ARHGAP10: variants seen among roughly 807,000 people sequenced by gnomAD.
ARHGAP10 encodes the protein rho GTPase-activating protein 10.
In ARHGAP10, 87 loss-of-function variants were observed where a neutral mutation model predicts 108.6. That is an observed-to-expected ratio of 0.80 (90% confidence interval 0.67 to 0.96). The LOEUF (loss-of-function observed/expected upper bound fraction) is 0.96, where lower values mean the gene tolerates loss of function less well. Ranked by LOEUF, ARHGAP10 falls within the 40% of genes least tolerant of loss-of-function variation. The pLI is 0.00. For synonymous variants in ARHGAP10, 347 were observed against 341.1 expected (o/e 1.02, Z -0.19); for missense variants, 939 against 954.5 (o/e 0.98, Z 0.21).
chr4:147,924,938 G>A (rs779321301), intron 13 of ARHGAP10, among the ~76,000 whole-genome samples: 5 of 151,590 alleles, frequency 3.3e-5, no homozygotes, highest in African/African-American at 1.2e-4. Flanking sequence ...TCTCATTATT[G>A]ATTTAAGGCT....
Position 147,866,786 on chromosome 4 carries a change from C to T in ARHGAP10, c.672C>T (p.Tyr224=), listed in dbSNP as rs773514097. ...AACTTGCCAAAGACTTCAATCACTA[C>T]AAAATGGAACTACAGATCAACATTC... ...GHELAKDFNH[Y]KMELQINIQN... Residue 224 remains tyrosine (Y), a synonymous_variant, in exon 7 of 23, where the codon TAC becomes TAT. Coordinates refer to ENST00000336498, the MANE Select transcript of ARHGAP10 (RefSeq NM_024605.4). The T allele has an allele frequency of 1.4e-5, 23 of 1,612,400 alleles. No individual in the cohort carries two copies. The Middle Eastern group carries it at 2.0e-3, about 139-fold the overall frequency.
rs754838858 is a variant in ARHGAP10, at chr4:147,784,721, T to A, written c.155-38006T>A. ...TATAAAATATATATTATAAATATAA[T>A]ATATTATAAAATATATATTATAAAT... is the stretch of plus-strand genomic sequence containing the variant. On this transcript the variant is annotated intron_variant, in intron 1 of 22. Transcript: ENST00000336498. 4.8e-3 allele frequency among the ~76,000 whole-genome samples: 300 copies of A among 62,656 alleles called. 15 individuals are homozygous for A. Among genetic ancestry groups the A allele is most frequent in the South Asian group, 0.011 (13 of 1,186 alleles). 41.1% of individuals were successfully genotyped at this position (62,656 alleles called of 152,430 possible). A position where few individuals can be genotyped will look rare whatever the true frequency, so the allele number is the denominator to read the frequency against.
intron 3 of ARHGAP10, among the ~76,000 whole-genome samples, chr4:147,832,907 C>G (rs776624566): frequency 5.9e-5 from 9 of 152,126 alleles, no homozygotes; most frequent in Non-Finnish European, 1.0e-4. Context: ...CTCTTTTACT[C>G]TTTGGACAAC....
intron 1 of ARHGAP10, among the ~76,000 whole-genome samples, chr4:147,758,188 G>A (rs1481959060): frequency 3.3e-5 from 5 of 151,866 alleles, no homozygotes; most frequent in South Asian, 2.1e-4. Flanking sequence ...GCTTGAACCC[G>A]GGACGTGGAG....
At chr4:147,844,817 C>T (rs983247704) in intron 3 of ARHGAP10, among the ~76,000 whole-genome samples, 11 of 152,200 alleles carry the variant, frequency 7.2e-5, no homozygotes, top group African/African-American at 1.7e-4. Flanking sequence ...AGCCTCCTAA[C>T]GAGTCTGTCT....
intron 20 of ARHGAP10, among the ~76,000 whole-genome samples, chr4:148,050,011 G>T (rs999016567): frequency 6.6e-6 from 1 of 152,056 alleles, no homozygotes; most frequent in Non-Finnish European, 1.5e-5. Context: ...GGGATTACAG[G>T]CACGTGCCAC....
At chr4:147,970,779 G>A (rs1739374057) in intron 18 of ARHGAP10, among the ~76,000 whole-genome samples, 1 of 152,110 alleles carries the variant, frequency 6.6e-6, no homozygotes, top group Non-Finnish European at 1.5e-5. Flanking sequence ...ATATGTTTTA[G>A]CTTTATTTAC....
At chr4:147,777,037 C>G (rs969647743) in intron 1 of ARHGAP10, among the ~76,000 whole-genome samples, 1 of 152,118 alleles carries the variant, frequency 6.6e-6, no homozygotes, top group Admixed American at 6.6e-5. Flanking sequence ...CTGGGCGTGT[C>G]CTGGCAGCAG....
At chr4:147,931,283 G>A (rs541937579) in intron 13 of ARHGAP10, among the ~76,000 whole-genome samples, 2 of 147,122 alleles carry the variant, frequency 1.4e-5, no homozygotes, top group African/African-American at 5.0e-5. Flanking sequence ...CTAACTATCA[G>A]AACGAATCTC....
intron 18 of ARHGAP10, among the ~76,000 whole-genome samples, chr4:148,009,057 G>A: frequency 6.6e-6 from 1 of 151,576 alleles, no homozygotes. Context: ...AAGATCAACA[G>A]ATAATCCACA....
chr4:147,889,333 C>G (rs1735697445), intron 10 of ARHGAP10, among the ~76,000 whole-genome samples: 1 of 152,000 alleles, frequency 6.6e-6, no homozygotes, highest in African/African-American at 2.4e-5. Flanking sequence ...GAGTTTTGCT[C>G]CTGTCACCCA....
chr4:147,833,806 T>C (rs189514380), intron 3 of ARHGAP10, among the ~76,000 whole-genome samples: 437 of 152,280 alleles, frequency 2.9e-3, no homozygotes, highest in Middle Eastern at 0.014. Flanking sequence ...TTCAATGATA[T>C]ATATATTAAG....
intron 18 of ARHGAP10, among the ~76,000 whole-genome samples, chr4:147,995,053 C>G (rs759646060): frequency 6.6e-6 from 1 of 152,150 alleles, no homozygotes. Context: ...CACAGTGTAA[C>G]TTTTTTGGAA....
Position 147,947,918 on chromosome 4 carries a change from T to C in ARHGAP10, c.1391+1214T>C, listed in dbSNP as rs181640640. 1.8e-3 allele frequency among the ~76,000 whole-genome samples: 277 copies of C among 151,376 alleles called. 1 individual carries two copies. The highest frequency in any genetic ancestry group is 5.0e-3 in the African/African-American group (205 of 41,396). On this transcript the variant is annotated intron_variant, in intron 15 of 22. Coordinates refer to ENST00000336498, the MANE Select transcript of ARHGAP10 (RefSeq NM_024605.4). ...GTTATCAACATTCCATCCTTCTTAA[T>C]TCATTAATCTTCCTACCTGCCACTG...
chr4:147,855,960 A>G (rs1447122632), intron 4 of ARHGAP10, among the ~76,000 whole-genome samples: 2 of 152,246 alleles, frequency 1.3e-5, no homozygotes, highest in Non-Finnish European at 2.9e-5. Context: ...CATACCAGAA[A>G]AGGCTGGAAT....
intron 13 of ARHGAP10, among the ~76,000 whole-genome samples, chr4:147,914,139 G>A (rs1472712223): frequency 1.3e-5 from 2 of 152,128 alleles, no homozygotes; most frequent in Non-Finnish European, 2.9e-5. Context: ...GTGATAGAGC[G>A]AGATTGCATC....
intron 1 of ARHGAP10, among the ~76,000 whole-genome samples, chr4:147,745,798 T>TG (rs1486001432): frequency 7.0e-6 from 1 of 141,988 alleles, no homozygotes; most frequent in East Asian, 2.1e-4. Flanking sequence ...GCCTTTTTTT[T>TG]TTTTTTGAGA....
At chr4:147,761,168 C>T (rs1018521467) in intron 1 of ARHGAP10, among the ~76,000 whole-genome samples, 1 of 151,866 alleles carries the variant, frequency 6.6e-6, no homozygotes, top group African/African-American at 2.4e-5. Flanking sequence ...AGGCATGCAC[C>T]ACCATGCCCA....
At chr4:147,960,404 T>G (rs903683087) in intron 16 of ARHGAP10, among the ~76,000 whole-genome samples, 1 of 152,194 alleles carries the variant, frequency 6.6e-6, no homozygotes, top group African/African-American at 2.4e-5. Flanking sequence ...TGGAACAAAC[T>G]TGTCTTTACA....
Sources: gnomAD v4.1 joint callset for allele counts (sites outside exome capture counted in the v4.1 genomes callset) on GRCh38, gnomAD v4.1.1 for gene constraint, MANE v1.5 for transcripts, NCBI Gene and HGNC (gene_info 2026-07-23, HGNC 2026-07-21) for gene names.